Variants in ZBP1 observed in about 807,000 individuals in gnomAD.
ZBP1 encodes Z-DNA-binding protein 1.
ZBP1 carries 42 observed loss-of-function variants against 41.1 expected under a neutral mutation model. The observed-to-expected ratio is 1.02, with a 90% CI of 0.80 to 1.32. The LOEUF is 1.32. ZBP1 is among the 40% of genes most tolerant of loss of function. ZBP1 has a pLI of 0.00. For synonymous variants in ZBP1, 214 were observed against 205.2 expected (o/e 1.04, Z -0.37); for missense variants, 562 against 549.7 (o/e 1.02, Z -0.22).
intron 7 of ZBP1, among the ~76,000 whole-genome samples, chr20:57,608,891 T>C (rs754169090): frequency 4.6e-5 from 7 of 152,232 alleles, no homozygotes; most frequent in Non-Finnish European, 8.8e-5. Flanking sequence ...CGTGAATCCA[T>C]GTTTTCTACC....
intron 5 of ZBP1, chr20:57,612,898 T>C: frequency 7.5e-7 from 1 of 1,337,498 alleles, no homozygotes; most frequent in Non-Finnish European, 9.6e-7. Flanking sequence ...ATCTTAATTT[T>C]AAAATTTTAT....
At chr20:57,605,838 G>A (rs914195561) in intron 7 of ZBP1, among the ~76,000 whole-genome samples, 3 of 152,170 alleles carry the variant, frequency 2.0e-5, no homozygotes, top group Non-Finnish European at 4.4e-5. Context: ...GGAGGCTGAA[G>A]CAAAAGAATC....
chr20:57,608,697 T>C (rs1287687650), intron 7 of ZBP1, among the ~76,000 whole-genome samples: 1 of 152,222 alleles, frequency 6.6e-6, no homozygotes, highest in Non-Finnish European at 1.5e-5. Flanking sequence ...AGGTGTCACA[T>C]GTGCATGGGG....
At chr20:57,608,582 G>A (rs1380096998) in intron 7 of ZBP1, among the ~76,000 whole-genome samples, 2 of 152,226 alleles carry the variant, frequency 1.3e-5, no homozygotes. Flanking sequence ...GGTCCCCAGT[G>A]GCCTTGGAGG....
chr20:57,615,186 T>A (rs1239184364), intron 3 of ZBP1, 126 bp from the exon 4 acceptor site: 13 of 1,077,492 alleles, frequency 1.2e-5, no homozygotes, highest in Non-Finnish European at 1.6e-5. Context: ...GTAAAATGGG[T>A]GTCATGATAA....
At chr20:57,605,405 T>G (rs774432392) in intron 7 of ZBP1, among the ~76,000 whole-genome samples, 1 of 152,244 alleles carries the variant, frequency 6.6e-6, no homozygotes, top group Non-Finnish European at 1.5e-5. Flanking sequence ...TATTTCACAC[T>G]TTTTCATTTT....
At chr20:57,614,048 T>C (rs1290351477) in intron 4 of ZBP1, among the ~76,000 whole-genome samples, 1 of 152,226 alleles carries the variant, frequency 6.6e-6, no homozygotes, top group Non-Finnish European at 1.5e-5. Flanking sequence ...ATTTTATTTT[T>C]TGGGGGACAG....
intron 5 of ZBP1, chr20:57,612,838 G>C (rs1448322416): frequency 5.6e-6 from 6 of 1,076,410 alleles, no homozygotes; most frequent in Non-Finnish European, 7.1e-6. Context: ...AAAAACACCG[G>C]ACCCCATTGA....
chr20:57,614,797 G>A lies in ZBP1; in HGVS notation c.502+90C>T, dbSNP rs530941533. 37 of 1,523,244 alleles carry A rather than the reference G, an allele frequency of 2.4e-5. No homozygotes were observed. In the South Asian group the frequency reaches 4.6e-4, roughly 19 times the overall value. The allele number at this position is 1,523,244 out of a possible 1,614,324, so 94.4% of individuals were successfully genotyped here. On this transcript the variant is annotated intron_variant, in intron 4 of 7. Coordinates refer to ENST00000371173, the MANE Select transcript of ZBP1 (RefSeq NM_030776.3). ...CTCCAGAAGCTTCTAGCAGTTTCCG[G>A]TGAGCTGCTCAGCAGAGCACCCAGC...
At chr20:57,611,691 T>G in intron 6 of ZBP1, 36 bp downstream of exon 6, 4 of 1,580,944 alleles carry the variant, frequency 2.5e-6, no homozygotes, top group Admixed American at 1.8e-5. Flanking sequence ...ACCCACGGGG[T>G]GGCAGAGTTG....
At position 57,612,941 on chromosome 20, in the gene ZBP1, T is replaced by C. The variant is rs998349380; in HGVS notation, c.670+222A>G. On this transcript the variant is annotated intron_variant, in intron 5 of 7. Transcript: ENST00000371173. ...ATAAAAATTAAATTAAACTTTAAAA[T>C]GAGGTAGAAAGTATCAGAGTACAGG... 5 of 1,327,590 alleles carry C rather than the reference T, an allele frequency of 3.8e-6. No individual in the cohort carries two copies. The African/African-American group carries it at 7.5e-5, about 20-fold the overall frequency. 82.2% of individuals were successfully genotyped at this position (1,327,590 alleles called of 1,614,324 possible).
chr20:57,614,581 A>G (rs1023069206), intron 4 of ZBP1, among the ~76,000 whole-genome samples: 4 of 152,092 alleles, frequency 2.6e-5, no homozygotes, highest in Non-Finnish European at 4.4e-5. Context: ...GCTCAAAGAA[A>G]ACCATTCCCA....
At position 57,620,343 on chromosome 20, in the gene ZBP1, C is replaced by A; in HGVS notation, c.-48G>T. 1 of 1,566,382 alleles carries A rather than the reference C, an allele frequency of 6.4e-7. No individual in the cohort carries two copies. Among genetic ancestry groups the A allele is most frequent in the Non-Finnish European group, 8.7e-7 (1 of 1,154,748 alleles). On this transcript the variant is annotated 5_prime_UTR_variant, in exon 1 of 8. Coordinates refer to ENST00000371173, the MANE Select transcript of ZBP1 (RefSeq NM_030776.3). ...CGGAGAGACTTGGCAGGTGTGCAGGCTTCTGCACTGTGGCCCTGAGAGGGT... is the reference window on the plus strand; with the variant it reads ...CGGAGAGACTTGGCAGGTGTGCAGGATTCTGCACTGTGGCCCTGAGAGGGT...
chr20:57,607,516 C>T (rs1281787222), intron 7 of ZBP1, among the ~76,000 whole-genome samples: 1 of 152,194 alleles, frequency 6.6e-6, no homozygotes. Flanking sequence ...CTATATAAAC[C>T]TAGTTGGTAA....
Position 57,620,278 on chromosome 20 carries a change from A to C in ZBP1, c.18T>G (p.Ala6=). 1 of 1,597,530 alleles carries C rather than the reference A, an allele frequency of 6.3e-7. No homozygotes were observed. Among genetic ancestry groups the C allele is most frequent in the Non-Finnish European group, 8.5e-7 (1 of 1,171,706 alleles). ...GTACTGTACCTTCTCTGCCCGGGTC[A>C]GCAGGAGCCTGGGCCATGCTGACAG... is the stretch of plus-strand genomic sequence containing the variant. MAQAP[A]DPGREGHLEQ... The change falls in exon 1 of 8, where the codon GCT becomes GCG. Residue 6 remains alanine (A), a synonymous_variant. Transcript: ENST00000371173.
chr20:57,605,119 CAAAA>C (rs2070463137), intron 7 of ZBP1, among the ~76,000 whole-genome samples: 1 of 151,998 alleles, frequency 6.6e-6, no homozygotes, highest in Non-Finnish European at 1.5e-5. Context: ...CAAAACAAAA[CAAAA>C]CAAAACAAAA....
In ZBP1 at chr20:57,604,728, G is replaced by C. The variant is rs778140366; in HGVS notation, c.1135C>G (p.Arg379Gly). ...GGAGTGATGGGCTGACCAATGTCTC[G>C]AGGAAAGTGACTTCTGGATTGTGTG... ...ADTQSRSHFP[R>G]DIGQPITPSH... Residue 379 changes from arginine to glycine, a missense_variant, in exon 8 of 8, where the codon CGA becomes GGA. Coordinates refer to ENST00000371173, the MANE Select transcript of ZBP1 (RefSeq NM_030776.3). 1.2e-6 allele frequency: 2 copies of C among 1,614,150 alleles called. No individual in the cohort carries two copies. The highest frequency in any genetic ancestry group is 1.7e-6 in the Non-Finnish European group (2 of 1,180,014).
At chr20:57,611,038 G>A (rs932269839) in intron 6 of ZBP1, among the ~76,000 whole-genome samples, 1 of 152,108 alleles carries the variant, frequency 6.6e-6, no homozygotes, top group African/African-American at 2.4e-5. Context: ...TGTGGGGGAG[G>A]CCTCTGCCTG....
chr20:57,607,134 G>T (rs915177365), intron 7 of ZBP1: 2 of 1,304,160 alleles, frequency 1.5e-6, no homozygotes, highest in Non-Finnish European at 2.0e-6. Context: ...TCTGGGCAAA[G>T]TAAGTTGAAA....
Sources: allele counts gnomAD v4.1 joint callset (sites outside exome capture counted in the v4.1 genomes callset), GRCh38; gene constraint gnomAD v4.1.1; transcripts MANE v1.5; gene names NCBI Gene and HGNC (gene_info 2026-07-23, HGNC 2026-07-21).